SCN1A: variants seen among roughly 807,000 people sequenced by gnomAD.
SCN1A encodes the protein sodium channel protein type 1 subunit alpha.
A neutral mutation model predicts 193.7 loss-of-function variants in SCN1A; 13 were observed. The observed-to-expected ratio is 0.07, with a 90% CI of 0.04 to 0.11. SCN1A has a LOEUF of 0.11. Ranked by LOEUF, SCN1A falls within the 10% of genes least tolerant of loss-of-function variation. The probability of loss-of-function intolerance (pLI) is 1.00; values close to 1 mark genes in which losing one functional copy is unlikely to be tolerated. For missense variants in SCN1A, 1,432 were observed against 2,451.1 expected, an observed-to-expected ratio of 0.58 and a Z score of 8.78; for synonymous variants, 781 against 843.6, an observed-to-expected ratio of 0.93 and a Z score of 1.29.
chr2:166,046,450 G>A (rs1008027574), intron 12 of SCN1A, among the ~76,000 whole-genome samples: 5 of 152,080 alleles, frequency 3.3e-5, no homozygotes, highest in Non-Finnish European at 5.9e-5. Flanking sequence ...CTTGTTCTAA[G>A]AAAAGATGAT....
rs1688644230 is a variant in SCN1A, at chr2:165,986,828, G to A, written c.*4417C>T. On this transcript the variant is annotated 3_prime_UTR_variant, in exon 29 of 29. Transcript: ENST00000674923. ...CTTTGAACTGATTCAAGAATGAGCT[G>A]CAGACATTGTTGCATTCACCCCTAA... 1 of 151,830 alleles carries A rather than the reference G, an allele frequency of 6.6e-6. No homozygotes were observed. The highest frequency in any genetic ancestry group is 1.5e-5 in the Non-Finnish European group (1 of 67,926). The allele number at this position is 151,830 out of a possible 1,614,324, so 9.4% of individuals were successfully genotyped here. A position where few individuals can be genotyped will look rare whatever the true frequency, so the allele number is the denominator to read the frequency against.
chr2:166,061,731 G>A (rs1683329580), intron 4 of SCN1A, among the ~76,000 whole-genome samples: 1 of 152,064 alleles, frequency 6.6e-6, no homozygotes, highest in Admixed American at 6.6e-5. Context: ...GAGGTATAAA[G>A]GGCTGAAACT....
chr2:166,108,245 C>A (rs148387929), intron 2 of SCN1A, among the ~76,000 whole-genome samples: 1 of 151,828 alleles, frequency 6.6e-6, no homozygotes, highest in Non-Finnish European at 1.5e-5. Flanking sequence ...ATAAAAAACC[C>A]AATGAGACAT....
chr2:166,036,066 A>G lies in SCN1A; in HGVS notation c.3411T>C (p.Asp1137=), dbSNP rs2105792953. 6.2e-7 allele frequency: 1 copy of G among 1,613,786 alleles called. No homozygotes were observed. Among genetic ancestry groups the G allele is most frequent in the Non-Finnish European group, 8.5e-7 (1 of 1,179,876 alleles). ...LNTEDFSSES[D]LEESKEKLNE... Reference sequence around the variant, plus strand: ...ATCTTACCTCTTTGCTTTCTTCCAGATCCGATTCACTACTAAAGTCTTCCG... The same window carrying G: ...ATCTTACCTCTTTGCTTTCTTCCAGGTCCGATTCACTACTAAAGTCTTCCG... The change falls in exon 19 of 29, where the codon GAT becomes GAC. Residue 1137 remains aspartate (D), a synonymous_variant. Transcript: ENST00000674923.
chr2:166,015,903 C>T (rs1460552727), intron 19 of SCN1A, 176 bp from the exon 20 acceptor site: 8 of 661,306 alleles, frequency 1.2e-5, no homozygotes, highest in Non-Finnish European at 2.0e-5. Context: ...TCTGTGCTAA[C>T]CCTTTTACCA....
chr2:166,041,964 T>C (rs1171834219), intron 15 of SCN1A, among the ~76,000 whole-genome samples: 1 of 152,188 alleles, frequency 6.6e-6, no homozygotes, highest in Non-Finnish European at 1.5e-5. Flanking sequence ...TGAAAAGGGC[T>C]GTACTGCTGA....
At chr2:166,062,851 CTAAT>C (rs76646247) in intron 4 of SCN1A, among the ~76,000 whole-genome samples, 31,153 of 151,864 alleles carry the variant, frequency 0.21, 3,425 homozygotes, top group East Asian at 0.36. Flanking sequence ...TCCTTTAAAT[CTAAT>C]TAGTTCAACA....
At chr2:166,077,059 G>A (rs571199205) in intron 3 of SCN1A, 3 of 151,824 alleles carry the variant, frequency 2.0e-5, no homozygotes, top group Non-Finnish European at 4.4e-5. Context: ...GATATTCTCA[G>A]TGCTATATAT....
At chr2:166,063,788 G>A (rs533939149) in intron 4 of SCN1A, among the ~76,000 whole-genome samples, 26 of 152,038 alleles carry the variant, frequency 1.7e-4, no homozygotes, top group Admixed American at 1.5e-3. Context: ...ATTATCATTT[G>A]GGAATGAAAT....
At chr2:166,148,233 CTT>C (rs1558920927) in intron 1 of SCN1A, among the ~76,000 whole-genome samples, 1 of 152,162 alleles carries the variant, frequency 6.6e-6, no homozygotes, top group East Asian at 1.9e-4. Flanking sequence ...CTGGTTAAAT[CTT>C]ATTAAAATTC....
rs144244328 is a variant in SCN1A, at chr2:166,092,211, G to A, written c.-141-14410C>T. 2.3e-3 allele frequency among the ~76,000 whole-genome samples: 345 copies of A among 152,172 alleles called. 4 individuals carry two copies. Among genetic ancestry groups the A allele is most frequent in the African/African-American group, 8.1e-3 (338 of 41,496 alleles). ...AGACCATTGCATTCATAAAAATCATGTGGAGATCTTTTTGAAAACACATAG... is the reference window on the plus strand; with the variant it reads ...AGACCATTGCATTCATAAAAATCATATGGAGATCTTTTTGAAAACACATAG... On this transcript the variant is annotated intron_variant, in intron 2 of 28. Transcript: ENST00000674923.
At chr2:166,128,159 T>G (rs1467924044), upstream of SCN1A, 2 of 151,760 alleles carry the variant, frequency 1.3e-5, no homozygotes, top group Non-Finnish European at 2.9e-5. Flanking sequence ...TTCCTCAACC[T>G]CTTTTCTCTC....
chr2:165,992,602 T>A lies in SCN1A; in HGVS notation c.4853-180A>T, dbSNP rs1689412180. ...TATATTATAAATCTTAATTTTGAAA[T>A]TCAGCAATAATTTCAATTATAAGGA... On this transcript the variant is annotated intron_variant, in intron 28 of 28. Transcript: ENST00000674923. The surrounding 1 kb of genome is among the most constrained non-coding windows in gnomAD (Gnocchi z 6.5). 3.1e-6 allele frequency: 1 copy of A among 321,892 alleles called. No homozygotes were observed. Among genetic ancestry groups the A allele is most frequent in the Non-Finnish European group, 5.1e-6 (1 of 196,478 alleles). The allele number at this position is 321,892 out of a possible 1,614,324, so 19.9% of individuals were successfully genotyped here.
At chr2:166,020,322 G>A (rs996609461) in intron 19 of SCN1A, among the ~76,000 whole-genome samples, 11 of 152,032 alleles carry the variant, frequency 7.2e-5, no homozygotes, top group African/African-American at 2.7e-4. Context: ...CACTTTACAG[G>A]GACTACTTTG....
intron 19 of SCN1A, among the ~76,000 whole-genome samples, chr2:166,019,818 T>G (rs1314617983): frequency 6.6e-6 from 1 of 152,186 alleles, no homozygotes; most frequent in Non-Finnish European, 1.5e-5. Flanking sequence ...ATATTAGTGA[T>G]GGATGAAGTT....
intron 2 of SCN1A, chr2:166,123,626 T>G (rs977348208): frequency 6.6e-6 from 1 of 152,200 alleles, no homozygotes; most frequent in African/African-American, 2.4e-5. Flanking sequence ...TGAGGCAATT[T>G]TTTTGCATTC....
At chr2:166,018,940 T>C (rs1693670200) in intron 19 of SCN1A, among the ~76,000 whole-genome samples, 1 of 152,160 alleles carries the variant, frequency 6.6e-6, no homozygotes, top group South Asian at 2.1e-4. Context: ...GTATGAACAT[T>C]ACAAGATAAT....
At chr2:166,055,131 G>GA (rs1002676735) in intron 6 of SCN1A, among the ~76,000 whole-genome samples, 1 of 150,020 alleles carries the variant, frequency 6.7e-6, no homozygotes, top group Non-Finnish European at 1.5e-5. Context: ...TTCTTTTAGG[G>GA]AAAAAAATCT....
intron 2 of SCN1A, among the ~76,000 whole-genome samples, chr2:166,103,070 T>G (rs1241592546): frequency 6.7e-6 from 1 of 150,178 alleles, no homozygotes; most frequent in African/African-American, 2.4e-5. Flanking sequence ...ATTTGGGAGA[T>G]ATATATATAT....
Sources: gnomAD v4.1 joint callset for allele counts (sites outside exome capture counted in the v4.1 genomes callset) on GRCh38, gnomAD v4.1.1 for gene constraint, Gnocchi (gnomAD v3.1) non-coding constraint, MANE v1.5 for transcripts, NCBI Gene and HGNC (gene_info 2026-07-23, HGNC 2026-07-21) for gene names.